The following MEF2C variants were observed in gnomAD, a reference collection of about 807,000 sequenced individuals.
MEF2C encodes myocyte enhancer factor 2C.
In MEF2C, 6 loss-of-function variants were observed where a neutral mutation model predicts 50.5. The observed-to-expected ratio is 0.12, with a 90% CI of 0.07 to 0.23. MEF2C has a LOEUF of 0.23. Ranked by LOEUF, MEF2C falls within the 10% of genes least tolerant of loss-of-function variation. The probability of loss-of-function intolerance (pLI) is 1.00; values close to 1 mark genes in which losing one functional copy is unlikely to be tolerated. For missense variants in MEF2C, 276 were observed against 605.0 expected (o/e 0.46, Z 5.70); for synonymous variants, 183 against 228.0 (o/e 0.80, Z 1.78).
intron 5 of MEF2C, among the ~76,000 whole-genome samples, chr5:88,749,796 C>T (rs905083001): frequency 4.6e-5 from 7 of 151,978 alleles, no homozygotes; most frequent in Non-Finnish European, 7.4e-5. Flanking sequence ...TTTGGGAGGC[C>T]CAGGTGGGCG....
At chr5:88,851,005 C>T (rs950541070) in intron 1 of MEF2C, among the ~76,000 whole-genome samples, 2 of 151,700 alleles carry the variant, frequency 1.3e-5, no homozygotes, top group South Asian at 2.1e-4. Context: ...TTTTCTTTTC[C>T]CTAGCCTACT....
At chr5:88,825,254 T>C (rs1259887186) in intron 1 of MEF2C, among the ~76,000 whole-genome samples, 1 of 151,868 alleles carries the variant, frequency 6.6e-6, no homozygotes, top group African/African-American at 2.4e-5. Context: ...AAATTCTTTA[T>C]CACCTTGGGT....
In MEF2C at chr5:88,814,170, A is replaced by G. The variant is rs1005269610; in HGVS notation, c.55-9369T>C. Among the ~76,000 whole-genome samples the G allele has an allele frequency of 2.6e-5, 4 of 152,042 alleles. No individual in the cohort carries two copies. The East Asian group carries it at 7.8e-4, about 29-fold the overall frequency. On this transcript the variant is annotated intron_variant, in intron 2 of 10. Coordinates refer to ENST00000504921, the MANE Select transcript of MEF2C (RefSeq NM_002397.5). The stretch of plus-strand genomic sequence containing the variant: ...ATGCCCTCCTAAATGCTCTTTCTCC[A>G]CCTCCCTTGTTCCTGACAGTAAGTA...
intron 1 of MEF2C, among the ~76,000 whole-genome samples, chr5:88,888,411 C>G (rs780105110): frequency 2.0e-5 from 3 of 152,160 alleles, no homozygotes; most frequent in Non-Finnish European, 4.4e-5. Context: ...TTTATAAAGC[C>G]TCTATATTTG....
At chr5:88,752,931 G>T (rs1386541675) in intron 4 of MEF2C, among the ~76,000 whole-genome samples, 1 of 152,044 alleles carries the variant, frequency 6.6e-6, no homozygotes, top group Non-Finnish European at 1.5e-5. Context: ...TAATGCCAGA[G>T]AACTCATATG....
chr5:88,902,704 G>A (rs1354729535), intron 1 of MEF2C, among the ~76,000 whole-genome samples: 3 of 151,748 alleles, frequency 2.0e-5, no homozygotes, highest in African/African-American at 4.8e-5. Flanking sequence ...GTTATTTATG[G>A]GATCATCAGA....
chr5:88,854,791 A>G (rs546900470), intron 1 of MEF2C, among the ~76,000 whole-genome samples: 9 of 152,194 alleles, frequency 5.9e-5, no homozygotes, highest in Admixed American at 2.0e-4. Context: ...CTATGTGCAC[A>G]TATCATTTCA....
chr5:88,825,644 C>T, intron 1 of MEF2C: 1 of 984,880 alleles, frequency 1.0e-6, no homozygotes, highest in Non-Finnish European at 1.2e-6. Context: ...TTGCTAGACA[C>T]TGTCCATCTA....
intron 6 of MEF2C, chr5:88,732,658 C>T (rs1232094429): frequency 3.3e-5 from 5 of 152,194 alleles, no homozygotes; most frequent in Non-Finnish European, 4.4e-5. Flanking sequence ...CAGTATCCTA[C>T]TAACAGAAAA....
At position 88,882,972 on chromosome 5, in the gene MEF2C, C is replaced by T. The variant is rs1833421785; in HGVS notation, c.-160G>A. 1 of 151,716 alleles carries T rather than the reference C, an allele frequency of 6.6e-6. No individual in the cohort carries two copies. Among genetic ancestry groups the T allele is most frequent in the Non-Finnish European group, 1.5e-5 (1 of 67,922 alleles). The allele number at this position is 151,716 out of a possible 1,614,324, so 9.4% of individuals were successfully genotyped here. On this transcript the variant is annotated 5_prime_UTR_variant, in exon 1 of 11. Coordinates refer to ENST00000504921, the MANE Select transcript of MEF2C (RefSeq NM_002397.5). ...GTACTTACATGAAGGAAGACCCGATCAGATTAGTCCTTGGGATATTTTCCT... is the reference window on the plus strand; with the variant it reads ...GTACTTACATGAAGGAAGACCCGATTAGATTAGTCCTTGGGATATTTTCCT...
chr5:88,726,991 T>A (rs138896420), intron 10 of MEF2C, among the ~76,000 whole-genome samples: 27 of 151,992 alleles, frequency 1.8e-4, no homozygotes, highest in African/African-American at 6.3e-4. Context: ...GTGAAAAAAA[T>A]GGGAAATAAG....
intron 10 of MEF2C, among the ~76,000 whole-genome samples, chr5:88,727,591 G>A (rs1044871784): frequency 2.6e-5 from 4 of 152,060 alleles, no homozygotes; most frequent in African/African-American, 9.7e-5. Flanking sequence ...AGTGATTAAC[G>A]ATAACAAATG....
chr5:88,780,287 G>A (rs1465603669), intron 3 of MEF2C, among the ~76,000 whole-genome samples: 1 of 152,208 alleles, frequency 6.6e-6, no homozygotes, highest in African/African-American at 2.4e-5. Context: ...TGGTCAGCAA[G>A]TGGTTTGATT....
intron 3 of MEF2C, chr5:88,761,804 C>CGAGATCT: frequency 6.3e-6 from 1 of 158,118 alleles, no homozygotes; most frequent in Non-Finnish European, 1.4e-5. Flanking sequence ...GTCCTGTCCC[C>CGAGATCT]ACAGCCTCCA....
chr5:88,735,903 G>C (rs1763866941), intron 6 of MEF2C: 1 of 985,162 alleles, frequency 1.0e-6, no homozygotes, highest in African/African-American at 1.7e-5. Flanking sequence ...TGGATGTTTA[G>C]GCATTTTGAG....
chr5:88,733,127 C>T (rs1025374105), intron 6 of MEF2C: 133 of 985,198 alleles, frequency 1.3e-4, no homozygotes, highest in Non-Finnish European at 1.6e-4. Flanking sequence ...TTATTGAGTT[C>T]CCGGGAGAGA....
At chr5:88,781,825 T>A (rs559536176) in intron 3 of MEF2C, among the ~76,000 whole-genome samples, 2 of 151,892 alleles carry the variant, frequency 1.3e-5, no homozygotes, top group African/African-American at 4.8e-5. Flanking sequence ...ATACAAAAAT[T>A]AGCCAGGTGT....
chr5:88,862,313 A>AAC (rs925568512), intron 1 of MEF2C, among the ~76,000 whole-genome samples: 31 of 151,908 alleles, frequency 2.0e-4, no homozygotes, highest in South Asian at 4.1e-4. Flanking sequence ...CATACACACA[A>AAC]ACACACACAC....
In MEF2C at chr5:88,825,718, C is replaced by A. The variant is rs538684214; in HGVS notation, c.-142-1788G>T. Reference sequence around the variant, plus strand: ...CTTTCCTGTGTTTCCTATAGTCTTACCTTAGAAGCAAGCAGTGTGTTAGAA... The same window carrying A: ...CTTTCCTGTGTTTCCTATAGTCTTAACTTAGAAGCAAGCAGTGTGTTAGAA... On this transcript the variant is annotated intron_variant, in intron 1 of 10. Transcript: ENST00000504921. The A allele has an allele frequency of 5.8e-6, 4 of 689,232 alleles. No homozygotes were observed. The East Asian group carries it at 5.4e-4, about 92-fold the overall frequency. 42.7% of individuals were successfully genotyped at this position (689,232 alleles called of 1,614,324 possible).
Sources: gnomAD v4.1 joint callset for allele counts (sites outside exome capture counted in the v4.1 genomes callset) on GRCh38, gnomAD v4.1.1 for gene constraint, MANE v1.5 for transcripts, NCBI Gene and HGNC (gene_info 2026-07-23, HGNC 2026-07-21) for gene names.